Variants in PPTC7 observed in about 807,000 individuals in gnomAD.
PPTC7 encodes the protein protein phosphatase PTC7 homolog.
PPTC7 carries 6 observed loss-of-function variants against 30.8 expected under a neutral mutation model. That is an observed-to-expected ratio of 0.19 (90% CI 0.11 to 0.38). The LOEUF is 0.38. PPTC7 is among the 10% of genes least tolerant of loss of function. The pLI is 1.00. For missense variants in PPTC7, 218 were observed against 404.8 expected (o/e 0.54, Z 3.96); for synonymous variants, 163 against 168.1 (o/e 0.97, Z 0.23).
intron 1 of PPTC7, among the ~76,000 whole-genome samples, chr12:110,557,526 C>T (rs139213138): frequency 0.011 from 1,625 of 152,246 alleles, 35 homozygotes; most frequent in Middle Eastern, 0.041. Context: ...CAATCTCACA[C>T]CTTGGCCTCC....
chr12:110,583,147 C>A lies in PPTC7; in HGVS notation c.-116G>T. 1 of 720,276 alleles carries A rather than the reference C, an allele frequency of 1.4e-6. No homozygotes were observed. Among genetic ancestry groups the A allele is most frequent in the Non-Finnish European group, 1.8e-6 (1 of 541,360 alleles). 44.6% of individuals were successfully genotyped at this position (720,276 alleles called of 1,614,324 possible). On this transcript the variant is annotated 5_prime_UTR_variant, in exon 1 of 6. Coordinates refer to ENST00000354300, the MANE Select transcript of PPTC7 (RefSeq NM_139283.2). The stretch of plus-strand genomic sequence containing the variant: ...GCCGCCGCTGGGGCGCTCCTCAGGG[C>A]GGCGCGCAGTGGCCGCCGCCGCCCC...
chr12:110,576,255 T>C (rs892521078), intron 1 of PPTC7, among the ~76,000 whole-genome samples: 1 of 151,872 alleles, frequency 6.6e-6, no homozygotes, highest in African/African-American at 2.4e-5. Flanking sequence ...ATTTTTAAAG[T>C]ATTTTCCCTT....
rs185187852 is a variant in PPTC7 at position 110,564,187 on chromosome 12, G to A, written c.224-12219C>T. On this transcript the variant is annotated intron_variant, in intron 1 of 5. Coordinates refer to ENST00000354300, the MANE Select transcript of PPTC7 (RefSeq NM_139283.2). ...CTTCCTCAAATGCCAAATGCTGTTA[G>A]CAATGTTTCTGGACAGGAGGAGGCA... Among the ~76,000 whole-genome samples the A allele has an allele frequency of 2.0e-5, 3 of 152,264 alleles. No individual in the cohort carries two copies. In the East Asian group the frequency reaches 5.8e-4, roughly 29 times the overall value.
intron 4 of PPTC7, among the ~76,000 whole-genome samples, chr12:110,539,601 T>C (rs1373168438): frequency 6.6e-6 from 1 of 152,202 alleles, no homozygotes; most frequent in African/African-American, 2.4e-5. Context: ...ATGCCCTCCA[T>C]CTAGACTTTT....
chr12:110,561,195 A>G (rs1482179799), intron 1 of PPTC7, among the ~76,000 whole-genome samples: 2 of 152,212 alleles, frequency 1.3e-5, no homozygotes, highest in Non-Finnish European at 2.9e-5. Context: ...AGCCAGCCTC[A>G]TTTGTCTAAA....
chr12:110,540,174 A>T (rs2064246973), intron 3 of PPTC7, among the ~76,000 whole-genome samples: 2 of 152,194 alleles, frequency 1.3e-5, no homozygotes, highest in Non-Finnish European at 2.9e-5. Context: ...ACTACCGAGT[A>T]AAACCAAGTC....
chr12:110,547,397 T>C (rs898063461), intron 2 of PPTC7, among the ~76,000 whole-genome samples: 1 of 152,168 alleles, frequency 6.6e-6, no homozygotes, highest in Non-Finnish European at 1.5e-5. Context: ...GGGATAACAG[T>C]AAGTACCTCA....
intron 1 of PPTC7, among the ~76,000 whole-genome samples, chr12:110,568,130 T>C (rs1045932659): frequency 4.6e-5 from 7 of 152,318 alleles, no homozygotes; most frequent in Middle Eastern, 3.4e-3. Context: ...AGCTGTAGTT[T>C]TGGGGATCTA....
intron 2 of PPTC7, among the ~76,000 whole-genome samples, chr12:110,549,128 C>T (rs2064333051): frequency 6.6e-6 from 1 of 152,122 alleles, no homozygotes; most frequent in Non-Finnish European, 1.5e-5. Context: ...ACTACTAAGC[C>T]TTTTGTATGG....
chr12:110,568,386 G>A (rs1327850386), intron 1 of PPTC7, among the ~76,000 whole-genome samples: 8 of 151,898 alleles, frequency 5.3e-5, no homozygotes, highest in African/African-American at 1.9e-4. Flanking sequence ...CTGAGTAGCT[G>A]GGACTACAGG....
At chr12:110,539,630 T>C (rs1394959564) in intron 4 of PPTC7, among the ~76,000 whole-genome samples, 192 bp downstream of exon 4, 2 of 152,224 alleles carry the variant, frequency 1.3e-5, no homozygotes. Flanking sequence ...TACCAGCCTA[T>C]GAAAACCTTG....
At chr12:110,542,060 C>A (rs2135761690) in intron 3 of PPTC7, among the ~76,000 whole-genome samples, 1 of 151,976 alleles carries the variant, frequency 6.6e-6, no homozygotes, top group South Asian at 2.1e-4. Context: ...ACAGGAGAAT[C>A]ACTTGCTTCA....
chr12:110,542,997 AG>A (rs1424697810), intron 3 of PPTC7, among the ~76,000 whole-genome samples: 1 of 152,196 alleles, frequency 6.6e-6, no homozygotes, highest in Admixed American at 6.5e-5. Context: ...GGGGAGGGAA[AG>A]GTGAGATCTG....
In PPTC7 at chr12:110,578,943, C is replaced by T. The variant is rs896884419; in HGVS notation, c.223+3866G>A. Among the ~76,000 whole-genome samples, 10 of 152,144 alleles carry T rather than the reference C, an allele frequency of 6.6e-5. 1 individual carries two copies. In the South Asian group the frequency reaches 2.1e-3, roughly 32 times the overall value. On this transcript the variant is annotated intron_variant, in intron 1 of 5. Coordinates refer to ENST00000354300, the MANE Select transcript of PPTC7 (RefSeq NM_139283.2). ...GGTGGATGACATGAGGTCAGGAGTT[C>T]GACACCAGCCTAGGCAACGTGGCGA...
intron 1 of PPTC7, among the ~76,000 whole-genome samples, chr12:110,556,005 C>G (rs1335078127): frequency 6.6e-6 from 1 of 152,190 alleles, no homozygotes; most frequent in Non-Finnish European, 1.5e-5. Flanking sequence ...GGTACAACTA[C>G]AATTAACTTT....
At chr12:110,573,579 C>T (rs1019407113) in intron 1 of PPTC7, among the ~76,000 whole-genome samples, 1 of 152,142 alleles carries the variant, frequency 6.6e-6, no homozygotes. Context: ...CTAGAGGGAA[C>T]CACAATGACT....
chr12:110,570,991 C>T (rs975378754), intron 1 of PPTC7, among the ~76,000 whole-genome samples: 13 of 152,402 alleles, frequency 8.5e-5, no homozygotes, highest in East Asian at 1.9e-4. Context: ...TGTGTAGGGG[C>T]AACCCACCCC....
chr12:110,534,850 G>A lies in PPTC7; in HGVS notation c.*2187C>T, dbSNP rs2064207196. 1 of 152,564 alleles carries A rather than the reference G, an allele frequency of 6.6e-6. No individual in the cohort carries two copies. The highest frequency in any genetic ancestry group is 1.5e-5 in the Non-Finnish European group (1 of 68,020). 9.5% of individuals were successfully genotyped at this position (152,564 alleles called of 1,614,324 possible). On this transcript the variant is annotated 3_prime_UTR_variant, in exon 6 of 6. Coordinates refer to ENST00000354300, the MANE Select transcript of PPTC7 (RefSeq NM_139283.2). ...TAGCTTTACAAAGATTGTGTTTGAC[G>A]GGTTAAATGAGAGCAGAGAAAAACC... is the stretch of plus-strand genomic sequence containing the variant.
At chr12:110,550,732 A>G (rs757876633) in intron 2 of PPTC7, among the ~76,000 whole-genome samples, 20 of 152,138 alleles carry the variant, frequency 1.3e-4, no homozygotes, top group Non-Finnish European at 2.9e-4. Flanking sequence ...CACATAAACA[A>G]ACCCTAAATA....
Sources: allele counts gnomAD v4.1 joint callset (sites outside exome capture counted in the v4.1 genomes callset), GRCh38; gene constraint gnomAD v4.1.1; transcripts MANE v1.5; gene names NCBI Gene and HGNC (gene_info 2026-07-23, HGNC 2026-07-21).